Variants in SUCLG2 observed in about 807,000 individuals in gnomAD.
SUCLG2 encodes the protein succinate--CoA ligase [GDP-forming] subunit beta, mitochondrial.
In SUCLG2, 42 loss-of-function variants were observed where a neutral mutation model predicts 47.9. The ratio of observed to expected loss-of-function variants is 0.88; its 90% CI spans 0.69 to 1.14. The LOEUF is 1.14. SUCLG2 is among the 50% of genes most tolerant of loss of function. The pLI is 0.00. For missense variants in SUCLG2, 571 were observed against 525.9 expected, an observed-to-expected ratio of 1.09 and a Z score of -0.84; for synonymous variants, 195 against 197.3, an observed-to-expected ratio of 0.99 and a Z score of 0.10.
intron 1 of SUCLG2, among the ~76,000 whole-genome samples, chr3:67,630,985 A>T (rs544180456): frequency 6.6e-6 from 1 of 152,180 alleles, no homozygotes; most frequent in Non-Finnish European, 1.5e-5. Context: ...TTTAAGAAAA[A>T]GTTTGCAGAC....
At chr3:67,444,413 G>A (rs1381695189) in intron 9 of SUCLG2, among the ~76,000 whole-genome samples, 7 of 19,178 alleles carry the variant, frequency 3.7e-4, no homozygotes, top group Admixed American at 1.1e-3. Context: ...CCGGCCAGCC[G>A]CCCCGTCTGG....
At chr3:67,625,710 T>C (rs1461232807) in intron 1 of SUCLG2, among the ~76,000 whole-genome samples, 3 of 152,050 alleles carry the variant, frequency 2.0e-5, no homozygotes, top group African/African-American at 7.2e-5. Flanking sequence ...GCCGGGAAAA[T>C]GAACTGAGGC....
At chr3:67,501,637 C>G (rs747327784) in intron 7 of SUCLG2, among the ~76,000 whole-genome samples, 30 of 152,026 alleles carry the variant, frequency 2.0e-4, no homozygotes, top group Non-Finnish European at 3.4e-4. Context: ...CCAGAAAGAC[C>G]AAACTATGAT....
chr3:67,408,731 AG>A, intron 9 of SUCLG2: 2 of 1,301,830 alleles, frequency 1.5e-6, no homozygotes, highest in South Asian at 4.9e-5. Context: ...TGGAGGATTA[AG>A]GTTTATTGAG....
chr3:67,432,444 A>T (rs1703509676), intron 9 of SUCLG2, among the ~76,000 whole-genome samples: 1 of 152,242 alleles, frequency 6.6e-6, no homozygotes, highest in South Asian at 2.1e-4. Context: ...AACCTTGGGC[A>T]AACAGCTGCG....
chr3:67,389,943 C>G (rs149621347), intron 10 of SUCLG2, among the ~76,000 whole-genome samples: 408 of 152,262 alleles, frequency 2.7e-3, no homozygotes, highest in African/African-American at 9.2e-3. Context: ...GAGGTGAAAA[C>G]GGGTCTCCAT....
intron 9 of SUCLG2, among the ~76,000 whole-genome samples, chr3:67,405,897 T>C (rs933463961): frequency 2.6e-5 from 4 of 152,150 alleles, no homozygotes; most frequent in African/African-American, 9.7e-5. Context: ...AACACATGAG[T>C]ATCACAGGAG....
At chr3:67,423,771 AGAAT>A (rs1703232256) in intron 9 of SUCLG2, among the ~76,000 whole-genome samples, 1 of 152,222 alleles carries the variant, frequency 6.6e-6, no homozygotes, top group Non-Finnish European at 1.5e-5. Context: ...AATCCCCCTT[AGAAT>A]GAATATCTCC....
At chr3:67,483,271 T>C (rs1704965868) in intron 9 of SUCLG2, among the ~76,000 whole-genome samples, 1 of 152,114 alleles carries the variant, frequency 6.6e-6, no homozygotes, top group Non-Finnish European at 1.5e-5. Flanking sequence ...CAAGCAACAT[T>C]GCTCAGAACA....
At chr3:67,528,993 C>G (rs1706330480) in intron 3 of SUCLG2, 94 bp downstream of exon 3, 2 of 1,096,192 alleles carry the variant, frequency 1.8e-6, no homozygotes, top group Non-Finnish European at 2.7e-6. Context: ...GCTCCTACCC[C>G]ACCACAACCA....
intron 1 of SUCLG2, 87 bp from the exon 2 acceptor site, chr3:67,609,683 T>G: frequency 7.8e-7 from 1 of 1,289,884 alleles, no homozygotes; most frequent in Non-Finnish European, 1.0e-6. Flanking sequence ...TTAGAGGTAC[T>G]GTTGACTGGC....
At chr3:67,583,552 G>A (rs1448506961) in intron 2 of SUCLG2, among the ~76,000 whole-genome samples, 1 of 152,160 alleles carries the variant, frequency 6.6e-6, no homozygotes, top group African/African-American at 2.4e-5. Flanking sequence ...CTCATTTATT[G>A]TCTCACAGTG....
At chr3:67,431,463 C>T (rs959805153) in intron 9 of SUCLG2, among the ~76,000 whole-genome samples, 1 of 152,024 alleles carries the variant, frequency 6.6e-6, no homozygotes, top group African/African-American at 2.4e-5. Context: ...ACACTATTCA[C>T]AATAGCAAAG....
intron 1 of SUCLG2, among the ~76,000 whole-genome samples, chr3:67,614,814 T>A (rs994878276): frequency 1.3e-5 from 2 of 152,116 alleles, no homozygotes; most frequent in African/African-American, 4.8e-5. Context: ...GGAAAGTGTC[T>A]TGCCTAGGGA....
intron 2 of SUCLG2, among the ~76,000 whole-genome samples, chr3:67,537,283 T>C (rs1021238678): frequency 5.3e-5 from 8 of 152,100 alleles, no homozygotes; most frequent in East Asian, 1.9e-4. Context: ...TGTGTTCTCA[T>C]TGCTCAACTC....
chr3:67,558,524 T>A (rs1707222687), intron 2 of SUCLG2, among the ~76,000 whole-genome samples: 10 of 152,198 alleles, frequency 6.6e-5, no homozygotes, highest in Admixed American at 6.5e-4. Context: ...GTTCTTACCC[T>A]GCTGGACTGT....
intron 9 of SUCLG2, among the ~76,000 whole-genome samples, chr3:67,462,032 G>A (rs1704349842): frequency 6.6e-6 from 1 of 151,878 alleles, no homozygotes; most frequent in Admixed American, 6.6e-5. Context: ...TGGGGATTGT[G>A]GTATTATTTT....
At chr3:67,513,084 C>T (rs576653578) in intron 6 of SUCLG2, among the ~76,000 whole-genome samples, 26 of 148,634 alleles carry the variant, frequency 1.7e-4, no homozygotes, top group Admixed American at 4.0e-4. Context: ...ACACTAGATA[C>T]CTGTGGAATC....
rs1403054394 is a variant in SUCLG2 at position 67,375,853 on chromosome 3, T to C, written c.1190A>G (p.Asn397Ser). ...VPLVVRLEGT[N>S]VQEAQKILNN... ...GAGTATCTTCTGGGCCTCTTGGACGTTGGTTCCTAGAAGGGGGACAGGGAA... is the reference window on the plus strand; with the variant it reads ...GAGTATCTTCTGGGCCTCTTGGACGCTGGTTCCTAGAAGGGGGACAGGGAA... The change falls in exon 11 of 11, where the codon AAC becomes AGC. Residue 397 changes from asparagine to serine, a missense_variant. Transcript: ENST00000307227. 6.2e-7 allele frequency: 1 copy of C among 1,613,260 alleles called. No individual in the cohort carries two copies. Among genetic ancestry groups the C allele is most frequent in the African/African-American group, 1.3e-5 (1 of 74,908 alleles).
Sources: gnomAD v4.1 joint callset for allele counts (sites outside exome capture counted in the v4.1 genomes callset) on GRCh38, gnomAD v4.1.1 for gene constraint, MANE v1.5 for transcripts, NCBI Gene and HGNC (gene_info 2026-07-23, HGNC 2026-07-21) for gene names.